The following DTWD2 variants were observed in gnomAD, a reference collection of about 807,000 sequenced individuals.
DTWD2 encodes the protein tRNA-uridine aminocarboxypropyltransferase 2.
In DTWD2, 39 loss-of-function variants were observed where a neutral mutation model predicts 31.8. The observed-to-expected ratio is 1.22, with a 90% CI of 0.95 to 1.60. The LOEUF (loss-of-function observed/expected upper bound fraction) is 1.60. DTWD2 is among the 40% of genes most tolerant of loss of function. The pLI is 0.00. For missense variants in DTWD2, 515 were observed against 381.5 expected (o/e 1.35, Z -2.92); for synonymous variants, 180 against 142.8 (o/e 1.26, Z -1.86).
chr5:118,839,723 T>G lies in DTWD2; in HGVS notation c.*1194A>C, dbSNP rs1421053035. ...AGAAGCCAGCACTCTTTTAATATTT[T>G]AAAATATTTTCTGCATAGTTTCCCC... On this transcript the variant is annotated 3_prime_UTR_variant, in exon 6 of 6. Coordinates refer to ENST00000510708, the MANE Select transcript of DTWD2 (RefSeq NM_173666.4). 6.6e-6 allele frequency: 1 copy of G among 152,172 alleles called. No individual in the cohort carries two copies. The highest frequency in any genetic ancestry group is 1.5e-5 in the Non-Finnish European group (1 of 68,030). 9.4% of individuals were successfully genotyped at this position (152,172 alleles called of 1,614,324 possible).
chr5:118,977,998 A>C (rs939588639), intron 1 of DTWD2, among the ~76,000 whole-genome samples: 1 of 152,212 alleles, frequency 6.6e-6, no homozygotes, highest in Non-Finnish European at 1.5e-5. Flanking sequence ...CTGGTACAAA[A>C]CCAGACACAT....
chr5:118,877,832 A>G (rs1163620628), intron 4 of DTWD2, among the ~76,000 whole-genome samples: 2 of 152,222 alleles, frequency 1.3e-5, no homozygotes, highest in African/African-American at 4.8e-5. Flanking sequence ...GCTCATAAAC[A>G]ACTTAAGCAA....
At chr5:118,901,813 G>A (rs1753216807) in intron 4 of DTWD2, among the ~76,000 whole-genome samples, 1 of 152,070 alleles carries the variant, frequency 6.6e-6, no homozygotes, top group Non-Finnish European at 1.5e-5. Context: ...TCACTGTGTT[G>A]CTCAGGCTGA....
At chr5:118,912,956 T>C (rs1161671249) in intron 4 of DTWD2, among the ~76,000 whole-genome samples, 1 of 152,190 alleles carries the variant, frequency 6.6e-6, no homozygotes, top group East Asian at 1.9e-4. Context: ...GCAATTTAAT[T>C]TGATCCACAA....
At chr5:118,845,398 T>C (rs899612027) in intron 5 of DTWD2, among the ~76,000 whole-genome samples, 1 of 152,222 alleles carries the variant, frequency 6.6e-6, no homozygotes, top group Admixed American at 6.5e-5. Context: ...TAGATGCTAA[T>C]TTTTTTCTCA....
intron 1 of DTWD2, among the ~76,000 whole-genome samples, chr5:118,968,315 T>C (rs1289323192): frequency 6.6e-6 from 1 of 151,944 alleles, no homozygotes; most frequent in Non-Finnish European, 1.5e-5. Flanking sequence ...AAAATGAACT[T>C]GAGTGGAAAA....
chr5:118,881,831 A>G (rs1007608401), intron 4 of DTWD2, among the ~76,000 whole-genome samples: 1 of 152,172 alleles, frequency 6.6e-6, no homozygotes, highest in African/African-American at 2.4e-5. Flanking sequence ...TCACTTCCCA[A>G]CAGGTCCGTC....
chr5:118,845,240 T>C (rs7700373), intron 5 of DTWD2, among the ~76,000 whole-genome samples: 23,047 of 152,114 alleles, frequency 0.15, 1,851 homozygotes, highest in Non-Finnish European at 0.18. Flanking sequence ...TCCCCCACCA[T>C]CTTAAGGTTT....
intron 2 of DTWD2, among the ~76,000 whole-genome samples, chr5:118,941,050 T>C (rs1754167479): frequency 6.6e-6 from 1 of 152,162 alleles, no homozygotes; most frequent in African/African-American, 2.4e-5. Context: ...CTCCATCATA[T>C]CACCTCCATA....
intron 1 of DTWD2, among the ~76,000 whole-genome samples, chr5:118,982,850 G>A (rs932979233): frequency 1.4e-3 from 215 of 151,816 alleles, no homozygotes; most frequent in African/African-American, 5.0e-3. Context: ...CACCACGCCC[G>A]GCTAATTTTA....
intron 4 of DTWD2, among the ~76,000 whole-genome samples, chr5:118,900,653 G>A (rs544910253): frequency 3.3e-5 from 5 of 152,158 alleles, no homozygotes; most frequent in Admixed American, 1.3e-4. Flanking sequence ...AGGGCCAGGC[G>A]GGGTGGCTCA....
At chr5:118,967,014 A>AG (rs1754866825) in intron 1 of DTWD2, among the ~76,000 whole-genome samples, 2 of 148,308 alleles carry the variant, frequency 1.3e-5, no homozygotes, top group Non-Finnish European at 3.0e-5. Context: ...AGAGCAACAG[A>AG]GGGGGACTCC....
chr5:118,850,472 C>G (rs1291988901), intron 4 of DTWD2, among the ~76,000 whole-genome samples: 2 of 81,716 alleles, frequency 2.4e-5, no homozygotes, highest in Non-Finnish European at 4.4e-5. Flanking sequence ...AGCCAGACCC[C>G]ACCACAAAAA....
At chr5:118,976,448 C>T (rs995697077) in intron 1 of DTWD2, among the ~76,000 whole-genome samples, 3 of 151,582 alleles carry the variant, frequency 2.0e-5, no homozygotes, top group African/African-American at 7.3e-5. Flanking sequence ...GCTAGCCAGA[C>T]TAATAAAGAA....
chr5:118,874,777 G>T (rs1306408183), intron 4 of DTWD2, among the ~76,000 whole-genome samples: 1 of 152,076 alleles, frequency 6.6e-6, no homozygotes. Flanking sequence ...GAACCAACTT[G>T]GAAAACATAT....
At chr5:118,953,474 G>A (rs548133561) in intron 1 of DTWD2, among the ~76,000 whole-genome samples, 25 of 152,164 alleles carry the variant, frequency 1.6e-4, no homozygotes, top group African/African-American at 5.5e-4. Flanking sequence ...CTTAACTAAC[G>A]AGCTCTGTTA....
chr5:118,875,190 A>C (rs1024587255), intron 4 of DTWD2, among the ~76,000 whole-genome samples: 4 of 152,194 alleles, frequency 2.6e-5, no homozygotes, highest in African/African-American at 7.2e-5. Flanking sequence ...GCCTTATGAG[A>C]GTTCCTGAAG....
intron 1 of DTWD2, among the ~76,000 whole-genome samples, chr5:118,961,019 C>T (rs1423651074): frequency 6.6e-6 from 1 of 151,990 alleles, no homozygotes; most frequent in Non-Finnish European, 1.5e-5. Flanking sequence ...CATAAAACCC[C>T]CATGATACAC....
At chr5:118,870,994 T>C (rs1192193054) in intron 4 of DTWD2, among the ~76,000 whole-genome samples, 1 of 150,502 alleles carries the variant, frequency 6.6e-6, no homozygotes, top group Non-Finnish European at 1.5e-5. Flanking sequence ...CTAAATCTTA[T>C]ATAATATTCT....
Sources: allele counts gnomAD v4.1 joint callset (sites outside exome capture counted in the v4.1 genomes callset), GRCh38; gene constraint gnomAD v4.1.1; transcripts MANE v1.5; gene names NCBI Gene and HGNC (gene_info 2026-07-23, HGNC 2026-07-21).